PTPN23: variants seen among roughly 807,000 people sequenced by gnomAD.
PTPN23 encodes the protein protein tyrosine phosphatase non-receptor type 23, also known as tyrosine-protein phosphatase non-receptor type 23.
Under a neutral mutation model 156.3 loss-of-function variants are expected in PTPN23, and 72 were observed. The observed-to-expected ratio is 0.46, with a 90% CI of 0.38 to 0.56. PTPN23 has a LOEUF of 0.56. Among genes scored for constraint, PTPN23 ranks in the 20% least tolerant of loss-of-function variants. The pLI, the probability that PTPN23 is intolerant of heterozygous loss-of-function variation, is 0.00. For synonymous variants in PTPN23, 957 were observed against 899.6 expected (o/e 1.06, Z -1.14); for missense variants, 1,974 against 2,171.5 (o/e 0.91, Z 1.81).
intron 23 of PTPN23, 41 bp downstream of exon 23, chr3:47,412,462 C>T (rs1576234746): frequency 1.9e-6 from 3 of 1,611,476 alleles, no homozygotes; most frequent in South Asian, 1.1e-5. Flanking sequence ...GGCCTTCTGT[C>T]CCAGGGTGAC....
In PTPN23 at chr3:47,407,364, G is replaced by T; in HGVS notation, c.920G>T (p.Gly307Val). The T allele has an allele frequency of 6.2e-7, 1 of 1,613,958 alleles. No homozygotes were observed. Among genetic ancestry groups the T allele is most frequent in the Non-Finnish European group, 8.5e-7 (1 of 1,179,912 alleles). Residue 307 changes from glycine to valine, a missense_variant, in exon 11 of 25, where the codon GGA becomes GTA. Transcript: ENST00000265562. The surrounding 1 kb of genome is among the most constrained non-coding windows in gnomAD (Gnocchi z 4.0). Reference protein sequence around the residue: ...ALRFTMDVIGGKYNSAKKDND... With the variant: ...ALRFTMDVIGVKYNSAKKDND... ...CGCTTCACTATGGATGTCATTGGGGGAAAGTGAGTCTGTGGGGGTGGCCCT... is the reference window on the plus strand; with the variant it reads ...CGCTTCACTATGGATGTCATTGGGGTAAAGTGAGTCTGTGGGGGTGGCCCT...
At chr3:47,383,793 C>T (rs1704598283) in intron 1 of PTPN23, among the ~76,000 whole-genome samples, 1 of 152,228 alleles carries the variant, frequency 6.6e-6, no homozygotes, top group African/African-American at 2.4e-5. Context: ...TGCTCATTAG[C>T]CCTTTAGCCC....
chr3:47,391,429 T>C (rs1373101818), intron 1 of PTPN23, among the ~76,000 whole-genome samples: 1 of 152,184 alleles, frequency 6.6e-6, no homozygotes, highest in East Asian at 1.9e-4. Flanking sequence ...TTTCCTCATC[T>C]GTAAAGTGGT....
chr3:47,410,047 C>T lies in PTPN23; in HGVS notation c.2249C>T (p.Pro750Leu), dbSNP rs769041406. The T allele has an allele frequency of 1.2e-6, 2 of 1,611,734 alleles. No homozygotes were observed. The highest frequency in any genetic ancestry group is 1.1e-5 in the South Asian group (1 of 90,564). Reference sequence around the variant, plus strand: ...CCTGAGGAGCTGCGCAGCCTCCCCCCTGACATGGTGGCTGGCCCACGACTG... The same window carrying T: ...CCTGAGGAGCTGCGCAGCCTCCCCCTTGACATGGTGGCTGGCCCACGACTG... Reference protein sequence around the residue: ...DPPEELRSLPPDMVAGPRLPD... With the variant: ...DPPEELRSLPLDMVAGPRLPD... The change falls in exon 20 of 25, where the codon CCT becomes CTT. Residue 750 changes from proline to leucine, a missense_variant. This residue lies in a region of PTPN23 where 731 missense variants were observed against 669.1 expected (regional missense o/e 1.09). Transcript: ENST00000265562.
At chr3:47,391,919 ACT>A (rs1704782136) in intron 1 of PTPN23, among the ~76,000 whole-genome samples, 1 of 152,104 alleles carries the variant, frequency 6.6e-6, no homozygotes, top group South Asian at 2.1e-4. Context: ...ATAGTGTCAC[ACT>A]CTCACCCAGG....
rs1431954835 is a variant in PTPN23 at position 47,410,589 on chromosome 3, C to A, written c.2791C>A (p.Pro931Thr). Residue 931 changes from proline (P) to threonine (T), a missense_variant, in exon 20 of 25, where the codon CCC becomes ACC. By Grantham distance (38) the Pro-to-Thr change is conservative (BLOSUM62 -1). This residue lies in a region of PTPN23 where 731 missense variants were observed against 669.1 expected (regional missense o/e 1.09). Coordinates refer to ENST00000265562, the MANE Select transcript of PTPN23 (RefSeq NM_015466.4). ...PYTYPAGAKQ[P>T]IPAQHHFSSG... Reference sequence around the variant, plus strand: ...CACCTACCCTGCAGGGGCTAAGCAACCCATCCCGGCACAGCACCACTTCTC... The same window carrying A: ...CACCTACCCTGCAGGGGCTAAGCAAACCATCCCGGCACAGCACCACTTCTC... The A allele has an allele frequency of 1.2e-6, 2 of 1,611,060 alleles. No individual in the cohort carries two copies. The highest frequency in any genetic ancestry group is 8.5e-7 in the Non-Finnish European group (1 of 1,179,370).
rs1371628935 is a variant in PTPN23 at position 47,406,571 on chromosome 3, C to G, written c.718C>G (p.Leu240Val). The G allele has an allele frequency of 3.1e-6, 5 of 1,613,860 alleles. No homozygotes were observed. In the South Asian group the frequency reaches 4.4e-5, roughly 14 times the overall value. ...CCGGATCCAGAAGGACTGGAAGAAA[C>G]TTGTGCAGATGAAGATCTACTACTT... ...LGRIQKDWKK[L>V]VQMKIYYFAA... Residue 240 changes from leucine to valine, a missense_variant, in exon 8 of 25, where the codon CTT becomes GTT. Physicochemically the swap from Leu to Val is conservative, Grantham distance 32 (BLOSUM62 1). Transcript: ENST00000265562. The surrounding 1 kb of genome is among the most constrained non-coding windows in gnomAD (Gnocchi z 5.8).
rs768587705 is a variant in PTPN23, at chr3:47,411,212, G to A, written c.3414G>A (p.Gln1138=). 3 of 1,604,630 alleles carry A rather than the reference G, an allele frequency of 1.9e-6. No homozygotes were observed. The highest frequency in any genetic ancestry group is 8.5e-7 in the Non-Finnish European group (1 of 1,178,302). Reference sequence around the variant, plus strand: ...GCACTCAGTCTCCTGGGGGTGGGCAGCCCCTGCTGCAGCCCACCAAGGTGG... The same window carrying A: ...GCACTCAGTCTCCTGGGGGTGGGCAACCCCTGCTGCAGCCCACCAAGGTGG... ...HGGTQSPGGG[Q]PLLQPTKVDA... is the part of the protein sequence containing the mutation. The change falls in exon 20 of 25, where the codon CAG becomes CAA. Residue 1138 remains glutamine (Q), a synonymous_variant. Transcript: ENST00000265562. This position sits in a 1 kb window ranked among gnomAD's most constrained non-coding sequence, Gnocchi z 6.3.
rs1704525740 is a variant in PTPN23, at chr3:47,381,106, G to A, written c.10G>A (p.Val4Met). 6.3e-7 allele frequency: 1 copy of A among 1,578,300 alleles called. No homozygotes were observed. Among genetic ancestry groups the A allele is most frequent in the Non-Finnish European group, 8.6e-7 (1 of 1,163,218 alleles). ...GCGGGTGCCAGCCGCCATGGAGGCC[G>A]TGCCCCGCATGCCCATGATCTGGCT... The part of the protein sequence containing the change: MEA[V>M]PRMPMIWLDL... The change falls in exon 1 of 25, where the codon GTG becomes ATG. Residue 4 changes from valine (V) to methionine (M), a missense_variant. Coordinates refer to ENST00000265562, the MANE Select transcript of PTPN23 (RefSeq NM_015466.4).
At chr3:47,402,898 G>A (rs535280102) in intron 2 of PTPN23, among the ~76,000 whole-genome samples, 1 of 151,952 alleles carries the variant, frequency 6.6e-6, no homozygotes. Flanking sequence ...TAGAGACGGG[G>A]TTTCACCATG....
At position 47,411,886 on chromosome 3, in the gene PTPN23, A is replaced by T. The variant is rs754079072; in HGVS notation, c.3992A>T (p.Glu1331Val). 10 of 1,612,832 alleles carry T rather than the reference A, an allele frequency of 6.2e-6. No individual in the cohort carries two copies. The South Asian group carries it at 1.1e-4, about 18-fold the overall frequency. ...GTCCGCAGCACCGAAACCCATGTGG[A>T]GCGCGTGCTGAGCCTGCAGTTCCGA... ...SSVRSTETHVERVLSLQFRDQ... is the reference protein window; with the variant it reads ...SSVRSTETHVVRVLSLQFRDQ... The change falls in exon 21 of 25, where the codon GAG (glutamate) becomes GTG (valine). Residue 1331 changes from glutamate to valine, a missense_variant. By Grantham distance (121) the Glu-to-Val change is moderately radical. Coordinates refer to ENST00000265562, the MANE Select transcript of PTPN23 (RefSeq NM_015466.4). The surrounding 1 kb of genome is among the most constrained non-coding windows in gnomAD (Gnocchi z 6.3).
At chr3:47,388,062 C>T (rs1486510033) in intron 1 of PTPN23, among the ~76,000 whole-genome samples, 1 of 152,172 alleles carries the variant, frequency 6.6e-6, no homozygotes, top group African/African-American at 2.4e-5. Context: ...TTTAGGTCCC[C>T]TCTCATTCCT....
rs1313515106 is a variant in PTPN23 at position 47,397,640 on chromosome 3, A to G, written c.159+1423A>G. Among the ~76,000 whole-genome samples the G allele has an allele frequency of 3.9e-5, 6 of 152,166 alleles. No individual in the cohort carries two copies. The South Asian group carries it at 1.2e-3, about 32-fold the overall frequency. On this transcript the variant is annotated intron_variant, in intron 2 of 24. Transcript: ENST00000265562. ...TACCCATCAGTAAATTTTTGGATAC[A>G]TTTTCATTTAGTCTACTGAGTGAAG...
intron 14 of PTPN23, 146 bp from the exon 15 acceptor site, chr3:47,408,199 C>A (rs1045729566): frequency 8.4e-7 from 1 of 1,193,442 alleles, no homozygotes; most frequent in Non-Finnish European, 1.2e-6. Context: ...GAGACCAGGC[C>A]AGACCTGGTA....
chr3:47,394,942 T>G (rs765695089), intron 1 of PTPN23, among the ~76,000 whole-genome samples: 1 of 152,086 alleles, frequency 6.6e-6, no homozygotes, highest in African/African-American at 2.4e-5. Context: ...AGAAAAGAGC[T>G]TATGGACACA....
In PTPN23 at chr3:47,405,524, G is replaced by T; in HGVS notation, c.365-225G>T. 1.7e-6 allele frequency: 1 copy of T among 585,952 alleles called. No individual in the cohort carries two copies. The highest frequency in any genetic ancestry group is 3.0e-6 in the Non-Finnish European group (1 of 332,242). 36.3% of individuals were successfully genotyped at this position (585,952 alleles called of 1,614,324 possible). A position where few individuals can be genotyped will look rare whatever the true frequency, so the allele number is the denominator to read the frequency against. ...TGAAGCTTCAAGATTGGACCCCTTG[G>T]ACAGGAGCCCTTCCATCCTCTGCCA... On this transcript the variant is annotated intron_variant, in intron 4 of 24. Coordinates refer to ENST00000265562, the MANE Select transcript of PTPN23 (RefSeq NM_015466.4). This position sits in a 1 kb window ranked among gnomAD's most constrained non-coding sequence, Gnocchi z 4.7.
chr3:47,382,781 C>T lies in PTPN23; in HGVS notation c.84+1601C>T, dbSNP rs1704575232. The stretch of plus-strand genomic sequence containing the variant: ...TCAGCTCACTGCAAGCTCCGCCTCC[C>T]GGGTTCACGCCATTCTCCTGCCTCA... On this transcript the variant is annotated intron_variant, in intron 1 of 24. Transcript: ENST00000265562. 3.4e-5 allele frequency among the ~76,000 whole-genome samples: 5 copies of T among 146,982 alleles called. No homozygotes were observed. The Admixed American group carries it at 3.5e-4, about 10-fold the overall frequency.
Position 47,407,245 on chromosome 3 carries a change from AGGGGGTGTCCTGGTGCCAGCCTT to A in PTPN23, c.865-61_865-39del. The A allele has an allele frequency of 6.2e-7, 1 of 1,613,458 alleles. No homozygotes were observed. The highest frequency in any genetic ancestry group is 8.5e-7 in the Non-Finnish European group (1 of 1,179,528). On this transcript the variant is annotated intron_variant, in intron 10 of 24. Coordinates refer to ENST00000265562, the MANE Select transcript of PTPN23 (RefSeq NM_015466.4). This position sits in a 1 kb window ranked among gnomAD's most constrained non-coding sequence, Gnocchi z 4.0. Reference sequence around the variant, plus strand: ...TATAGGAGCAAGCCCGGTAGGACTGAGGGGGTGTCCTGGTGCCAGCCTTGGTTAGTGCTAAGGCCCCACCCCTG... The same window carrying A: ...TATAGGAGCAAGCCCGGTAGGACTGAGGTTAGTGCTAAGGCCCCACCCCTG...
chr3:47,404,534 C>T lies in PTPN23; in HGVS notation c.160-118C>T. 2.2e-6 allele frequency: 3 copies of T among 1,382,122 alleles called. No individual in the cohort carries two copies. The Admixed American group carries it at 5.5e-5, about 25-fold the overall frequency. 85.6% of individuals were successfully genotyped at this position (1,382,122 alleles called of 1,614,324 possible). On this transcript the variant is annotated intron_variant, in intron 2 of 24. Transcript: ENST00000265562. ...GTATAGCCATGGACTTTTTGGGATCCCTTGGTGTGTGCAGTCGGCCAGCTG... is the reference window on the plus strand; with the variant it reads ...GTATAGCCATGGACTTTTTGGGATCTCTTGGTGTGTGCAGTCGGCCAGCTG...
Sources: gnomAD v4.1 joint callset for allele counts (sites outside exome capture counted in the v4.1 genomes callset) on GRCh38, gnomAD v4.1.1 for gene constraint, gnomAD v4.1.1 regional missense constraint, Gnocchi (gnomAD v3.1) non-coding constraint, MANE v1.5 for transcripts, NCBI Gene and HGNC (gene_info 2026-07-23, HGNC 2026-07-21) for gene names.